Variants in DPP6 observed in about 807,000 individuals in gnomAD.
The protein encoded by DPP6 is dipeptidyl peptidase like 6.
Under a neutral mutation model 122.6 loss-of-function variants are expected in DPP6, and 69 were observed. The observed-to-expected ratio is 0.56, with a 90% confidence interval of 0.46 to 0.69. The LOEUF (loss-of-function observed/expected upper bound fraction) is 0.69, where lower values mean the gene tolerates loss of function less well. Ranked by LOEUF, DPP6 falls within the 30% of genes least tolerant of loss-of-function variation. The pLI is 0.00. For missense variants in DPP6, 928 were observed against 1,116.9 expected (o/e 0.83, Z 2.41); for synonymous variants, 418 against 433.1 (o/e 0.97, Z 0.43).
intron 1 of DPP6, among the ~76,000 whole-genome samples, chr7:154,060,705 C>G (rs376835191): frequency 4.8e-5 from 7 of 146,982 alleles, no homozygotes; most frequent in African/African-American, 1.5e-4. Flanking sequence ...GCTGTTAGTA[C>G]CCCCATCGCA....
At chr7:154,401,645 T>A (rs1272482143) in intron 1 of DPP6, among the ~76,000 whole-genome samples, 1 of 152,154 alleles carries the variant, frequency 6.6e-6, no homozygotes, top group African/African-American at 2.4e-5. Context: ...ATAAAAACCC[T>A]AGAAGAAAAC....
intron 1 of DPP6, among the ~76,000 whole-genome samples, chr7:154,148,001 C>G (rs1796201158): frequency 6.6e-6 from 1 of 150,906 alleles, no homozygotes; most frequent in African/African-American, 2.5e-5. Flanking sequence ...CCCGATCACA[C>G]TTGTCCCAGG....
At chr7:154,433,677 C>T (rs979324462) in intron 1 of DPP6, among the ~76,000 whole-genome samples, 8 of 152,186 alleles carry the variant, frequency 5.3e-5, no homozygotes, top group African/African-American at 1.9e-4. Context: ...TAGTCTTCTC[C>T]TTCTGTCCTA....
intron 16 of DPP6, among the ~76,000 whole-genome samples, chr7:154,834,880 C>G (rs1455424900): frequency 1.3e-5 from 2 of 152,172 alleles, no homozygotes; most frequent in Non-Finnish European, 2.9e-5. Flanking sequence ...CCGCAGGGCA[C>G]CCCTGCCCTG....
At chr7:154,226,343 C>G (rs1800602284) in intron 1 of DPP6, among the ~76,000 whole-genome samples, 1 of 152,144 alleles carries the variant, frequency 6.6e-6, no homozygotes, top group Non-Finnish European at 1.5e-5. Context: ...TGATGAATGT[C>G]AAATGATAGT....
intron 1 of DPP6, among the ~76,000 whole-genome samples, chr7:154,084,854 G>A (rs1021701684): frequency 1.3e-5 from 2 of 151,794 alleles, no homozygotes; most frequent in African/African-American, 4.8e-5. Flanking sequence ...GCCGGGCATG[G>A]TGGTGGGCGC....
chr7:154,854,588 A>G (rs1374661541), intron 17 of DPP6, among the ~76,000 whole-genome samples: 2 of 152,208 alleles, frequency 1.3e-5, no homozygotes, highest in Non-Finnish European at 2.9e-5. Context: ...AAGCTGGGCA[A>G]TGCAGGCCGA....
chr7:154,691,900 GGTGGTTA>G (rs1839953661), intron 7 of DPP6, among the ~76,000 whole-genome samples: 1 of 152,184 alleles, frequency 6.6e-6, no homozygotes, highest in Admixed American at 6.5e-5. Flanking sequence ...TACTCACAAA[GGTGGTTA>G]GTGTTTAACC....
At chr7:154,470,002 C>T (rs1372905438) in intron 2 of DPP6, among the ~76,000 whole-genome samples, 1 of 152,186 alleles carries the variant, frequency 6.6e-6, no homozygotes, top group Non-Finnish European at 1.5e-5. Flanking sequence ...TGGACAGCTT[C>T]TTTGATTTCC....
At chr7:154,868,671 A>T (rs1446644108) in intron 18 of DPP6, among the ~76,000 whole-genome samples, 1 of 152,192 alleles carries the variant, frequency 6.6e-6, no homozygotes, top group African/African-American at 2.4e-5. Flanking sequence ...ACCCCAGAGC[A>T]TTAGCTGGAC....
chr7:154,885,841 C>A, intron 22 of DPP6, 97 bp downstream of exon 22: 1 of 1,491,786 alleles, frequency 6.7e-7, no homozygotes, highest in East Asian at 2.5e-5. Context: ...GCACCACCGT[C>A]CCGCTAACCA....
chr7:154,613,248 T>C (rs1438217386), intron 5 of DPP6, among the ~76,000 whole-genome samples: 1 of 152,140 alleles, frequency 6.6e-6, no homozygotes, highest in African/African-American at 2.4e-5. Context: ...ACTTTCTAAA[T>C]GGTATTTGAA....
intron 1 of DPP6, among the ~76,000 whole-genome samples, chr7:154,064,751 G>A (rs1802564283): frequency 6.6e-6 from 1 of 152,182 alleles, no homozygotes; most frequent in South Asian, 2.1e-4. Flanking sequence ...GGAAGACAGA[G>A]GCATGCTCTC....
intron 1 of DPP6, among the ~76,000 whole-genome samples, chr7:153,981,513 CTT>C (rs1796584849): frequency 6.6e-6 from 1 of 152,148 alleles, no homozygotes; most frequent in African/African-American, 2.4e-5. Flanking sequence ...CAGTTTGTAT[CTT>C]TTAATTGGGG....
intron 16 of DPP6, among the ~76,000 whole-genome samples, chr7:154,830,064 C>T (rs774781965): frequency 1.3e-5 from 2 of 152,170 alleles, no homozygotes; most frequent in Non-Finnish European, 2.9e-5. Flanking sequence ...CTTTAAAATT[C>T]TCTGGTTCAC....
At chr7:154,058,097 CAT>C in intron 1 of DPP6, 1 of 141,138 alleles carries the variant, frequency 7.1e-6, no homozygotes, top group Non-Finnish European at 1.6e-5. Flanking sequence ...AGGCATCCCC[CAT>C]GAGGCGGGGA....
intron 6 of DPP6, among the ~76,000 whole-genome samples, chr7:154,649,049 C>A (rs1836698933): frequency 6.6e-6 from 1 of 152,190 alleles, no homozygotes; most frequent in Non-Finnish European, 1.5e-5. Flanking sequence ...ATCCTCCATA[C>A]CCCTCCACCC....
At chr7:154,167,096 A>G (rs1288185328) in intron 1 of DPP6, among the ~76,000 whole-genome samples, 1 of 151,166 alleles carries the variant, frequency 6.6e-6, no homozygotes, top group East Asian at 1.9e-4. Flanking sequence ...TATGAAAACA[A>G]TCTTCAAGAA....
Position 154,486,780 on chromosome 7 carries a change from G to T in DPP6, c.457+11743G>T, listed in dbSNP as rs531069905. On this transcript the variant is annotated intron_variant, in intron 3 of 25. Transcript: ENST00000377770. This position sits in a 1 kb window ranked among gnomAD's most constrained non-coding sequence, Gnocchi z 4.5. ...GAGAGGTGTGTCTTGGGGCAGGGCA[G>T]CCGATTTCTTCCACACCACGCTGGT... 2.0e-5 allele frequency among the ~76,000 whole-genome samples: 3 copies of T among 152,180 alleles called. No individual in the cohort carries two copies. Among genetic ancestry groups the T allele is most frequent in the Non-Finnish European group, 4.4e-5 (3 of 68,042 alleles).
Sources: allele counts gnomAD v4.1 joint callset (sites outside exome capture counted in the v4.1 genomes callset), GRCh38; gene constraint gnomAD v4.1.1; non-coding constraint Gnocchi (gnomAD v3.1); transcripts MANE v1.5; gene names NCBI Gene and HGNC (gene_info 2026-07-23, HGNC 2026-07-21).